Variants in HIVEP1 observed in about 807,000 individuals in gnomAD.
HIVEP1 encodes the protein HIVEP zinc finger 1.
HIVEP1 carries 36 observed loss-of-function variants against 180.0 expected under a neutral mutation model. The ratio of observed to expected loss-of-function variants is 0.20; its 90% CI spans 0.15 to 0.26. The LOEUF (loss-of-function observed/expected upper bound fraction) is 0.26. Ranked by LOEUF, HIVEP1 falls within the 10% of genes least tolerant of loss-of-function variation. HIVEP1 has a pLI of 1.00. For synonymous variants in HIVEP1, 1,239 were observed against 1,239.0 expected, an observed-to-expected ratio of 1.00 and a Z score of 0.00; for missense variants, 3,143 against 3,268.7, an observed-to-expected ratio of 0.96 and a Z score of 0.94.
intron 7 of HIVEP1, among the ~76,000 whole-genome samples, chr6:12,142,342 C>T (rs1009820173): frequency 7.9e-5 from 12 of 152,116 alleles, no homozygotes; most frequent in Admixed American, 3.3e-4. Flanking sequence ...CCAGTGAGAA[C>T]CAAGACACAA....
At position 12,064,732 on chromosome 6, in the gene HIVEP1, C is replaced by A. The variant is rs189071986; in HGVS notation, c.41-24452C>A. Among the ~76,000 whole-genome samples, 12 of 152,214 alleles carry A rather than the reference C, an allele frequency of 7.9e-5. No individual in the cohort carries two copies. The East Asian group carries it at 2.3e-3, about 29-fold the overall frequency. ...CATGGAGTTTTCATTTTTTGTGTGT[C>A]CCCTCCCCACGCCGTACACACACAT... On this transcript the variant is annotated intron_variant, in intron 2 of 8. Coordinates refer to ENST00000379388, the MANE Select transcript of HIVEP1 (RefSeq NM_002114.4).
At chr6:12,102,234 C>G (rs973053261) in intron 3 of HIVEP1, among the ~76,000 whole-genome samples, 1 of 152,114 alleles carries the variant, frequency 6.6e-6, no homozygotes, top group African/African-American at 2.4e-5. Context: ...GCTTGACTAC[C>G]AACACTGTAA....
chr6:12,130,580 G>A (rs1453808601), intron 5 of HIVEP1, among the ~76,000 whole-genome samples, 187 bp from the exon 6 acceptor site: 1 of 152,072 alleles, frequency 6.6e-6, no homozygotes. Flanking sequence ...AAGTTTGTTT[G>A]ATTAGAATTA....
Position 12,164,470 on chromosome 6 carries a change from AT to A in HIVEP1, c.*15del. ...TTGTGATAGCAACCTGATGGATTTT[AT>A]TTTTTATTTGCTTTTTTTTTATATA... On this transcript the variant is annotated 3_prime_UTR_variant, in exon 9 of 9. Transcript: ENST00000379388. 6.4e-7 allele frequency: 1 copy of A among 1,565,716 alleles called. No homozygotes were observed. Among genetic ancestry groups the A allele is most frequent in the Non-Finnish European group, 8.6e-7 (1 of 1,160,684 alleles).
intron 4 of HIVEP1, among the ~76,000 whole-genome samples, chr6:12,128,896 A>G (rs1758252964): frequency 6.6e-6 from 1 of 152,186 alleles, no homozygotes; most frequent in Admixed American, 6.5e-5. Context: ...GTATTCAGTA[A>G]ACTTTTGAGA....
intron 2 of HIVEP1, among the ~76,000 whole-genome samples, chr6:12,053,227 G>T (rs1326625337): frequency 6.6e-6 from 1 of 151,670 alleles, no homozygotes; most frequent in Admixed American, 6.6e-5. Context: ...TGCTGTTCAT[G>T]TGTGTGTGTG....
intron 7 of HIVEP1, among the ~76,000 whole-genome samples, chr6:12,151,724 A>G (rs923404959): frequency 3.3e-5 from 5 of 152,190 alleles, no homozygotes; most frequent in African/African-American, 4.8e-5. Context: ...CAAGCCACCT[A>G]TTCTCTGTCA....
intron 7 of HIVEP1, among the ~76,000 whole-genome samples, chr6:12,157,483 G>A (rs971594268): frequency 1.3e-5 from 2 of 151,966 alleles, no homozygotes; most frequent in Admixed American, 1.3e-4. Context: ...TTAAAAAATT[G>A]TATTTATCTA....
At position 12,123,938 on chromosome 6, in the gene HIVEP1, T is replaced by C. The variant is rs1757881573; in HGVS notation, c.4143T>C (p.Ser1381=). The change falls in exon 4 of 9, where the codon TCT becomes TCC. Residue 1381 remains serine, a synonymous_variant. Coordinates refer to ENST00000379388, the MANE Select transcript of HIVEP1 (RefSeq NM_002114.4). The part of the protein sequence containing the change: ...INCTQTSMEV[S]DLRSKSFDCG... ...GCACGCAAACGTCAATGGAGGTCTC[T>C]GATCTCAGAAGCAAATCATTCGATT... The C allele has an allele frequency of 1.2e-6, 2 of 1,614,186 alleles. No homozygotes were observed. The highest frequency in any genetic ancestry group is 8.5e-7 in the Non-Finnish European group (1 of 1,180,012).
chr6:12,196,507 C>T, the HIVEP1 span, among the ~76,000 whole-genome samples: 451 of 152,310 alleles, frequency 3.0e-3, 1 homozygote, highest in African/African-American at 0.01. Flanking sequence ...GATCCTGTTG[C>T]CTCTATCCCA....
intron 3 of HIVEP1, among the ~76,000 whole-genome samples, chr6:12,097,929 C>G (rs992474474): frequency 2.0e-5 from 3 of 152,140 alleles, no homozygotes; most frequent in African/African-American, 7.2e-5. Context: ...AACAGTGTTA[C>G]TTATCATGGT....
chr6:12,101,616 TAAAG>T (rs1441516073), intron 3 of HIVEP1, among the ~76,000 whole-genome samples: 3 of 151,854 alleles, frequency 2.0e-5, no homozygotes, highest in Admixed American at 1.3e-4. Flanking sequence ...AAAAAATTAT[TAAAG>T]AAATTAAATA....
chr6:12,158,581 C>G (rs144785762), intron 7 of HIVEP1, among the ~76,000 whole-genome samples: 9 of 152,116 alleles, frequency 5.9e-5, no homozygotes, highest in African/African-American at 2.2e-4. Flanking sequence ...GTCTCTGTTC[C>G]GATTGAGTTA....
downstream of HIVEP1, among the ~76,000 whole-genome samples, chr6:12,168,679 A>G (rs1760826009): frequency 6.6e-6 from 1 of 151,996 alleles, no homozygotes; most frequent in South Asian, 2.1e-4. Flanking sequence ...AGCAGGAGCC[A>G]AAGCTCCCAG....
upstream of HIVEP1, among the ~76,000 whole-genome samples, chr6:12,011,767 A>C (rs1272933040): frequency 3.4e-5 from 5 of 147,034 alleles, no homozygotes; most frequent in Non-Finnish European, 6.0e-5. Context: ...CAGTCCCTAC[A>C]CCCGGTCAGA....
chr6:12,073,721 G>A (rs1313143206), intron 2 of HIVEP1, among the ~76,000 whole-genome samples: 4 of 152,022 alleles, frequency 2.6e-5, no homozygotes, highest in Non-Finnish European at 4.4e-5. Context: ...TCTCATATAG[G>A]CTATTCTGCC....
chr6:12,062,148 G>A (rs1238130272), intron 2 of HIVEP1, among the ~76,000 whole-genome samples: 1 of 152,132 alleles, frequency 6.6e-6, no homozygotes, highest in Non-Finnish European at 1.5e-5. Flanking sequence ...TAAAATCTAG[G>A]TGATGGTGTT....
chr6:12,154,741 G>A lies in HIVEP1; in HGVS notation c.6488-6698G>A, dbSNP rs903010686. ...TTGATGGGTGCAGCAAACCTCCCTG[G>A]CACATGTATACCTCCATGGCACATG... On this transcript the variant is annotated intron_variant, in intron 7 of 8. Transcript: ENST00000379388. Among the ~76,000 whole-genome samples the A allele has an allele frequency of 5.9e-5, 9 of 152,180 alleles. 1 individual carries two copies. The highest frequency in any genetic ancestry group is 6.8e-3 in the Middle Eastern group (2 of 294).
the HIVEP1 span, among the ~76,000 whole-genome samples, chr6:12,171,851 A>G: frequency 3.6e-4 from 55 of 152,238 alleles, no homozygotes; most frequent in African/African-American, 1.2e-3. Context: ...CTGCAAGGTT[A>G]AACATTCTAG....
Sources: allele counts gnomAD v4.1 joint callset (sites outside exome capture counted in the v4.1 genomes callset), GRCh38; gene constraint gnomAD v4.1.1; transcripts MANE v1.5; gene names NCBI Gene and HGNC (gene_info 2026-07-23, HGNC 2026-07-21).